MAP3K1: variants seen among roughly 807,000 people sequenced by gnomAD.
MAP3K1 encodes the protein mitogen-activated protein kinase kinase kinase 1.
MAP3K1 carries 36 observed loss-of-function variants against 144.2 expected under a neutral mutation model. The observed-to-expected ratio is 0.25, with a 90% CI of 0.19 to 0.33. MAP3K1 has a LOEUF of 0.33. MAP3K1 is among the 10% of genes least tolerant of loss of function. The probability of loss-of-function intolerance (pLI) is 1.00; values close to 1 mark genes in which losing one functional copy is unlikely to be tolerated. For missense variants in MAP3K1, 1,650 were observed against 1,881.9 expected, an observed-to-expected ratio of 0.88 and a Z score of 2.28; for synonymous variants, 718 against 688.7, an observed-to-expected ratio of 1.04 and a Z score of -0.67.
Position 56,895,750 on chromosome 5 carries a change from T to A in MAP3K1, c.*2070T>A, listed in dbSNP as rs979205406. On this transcript the variant is annotated 3_prime_UTR_variant, in exon 20 of 20. Coordinates refer to ENST00000399503, the MANE Select transcript of MAP3K1 (RefSeq NM_005921.2). ...GATCAAAGCTGGACTGGAAATTGTA[T>A]CGTGTAATTATTTTTGTGTTCTTAA... is the stretch of plus-strand genomic sequence containing the variant. 4.3e-6 allele frequency: 1 copy of A among 232,160 alleles called. No homozygotes were observed. The highest frequency in any genetic ancestry group is 2.2e-5 in the African/African-American group (1 of 45,308). The allele number at this position is 232,160 out of a possible 1,614,324, so 14.4% of individuals were successfully genotyped here.
At chr5:56,837,867 A>G (rs1746700589) in intron 1 of MAP3K1, among the ~76,000 whole-genome samples, 2 of 152,244 alleles carry the variant, frequency 1.3e-5, no homozygotes, top group Non-Finnish European at 2.9e-5. Context: ...ATTTCTTCAC[A>G]CTGAGTTTTA....
At chr5:56,862,727 C>T (rs1329213365) in intron 3 of MAP3K1, among the ~76,000 whole-genome samples, 1 of 152,160 alleles carries the variant, frequency 6.6e-6, no homozygotes, top group African/African-American at 2.4e-5. Flanking sequence ...AGGCTGGATA[C>T]CTAGCAGGTC....
At chr5:56,843,592 G>T (rs1373099423) in intron 1 of MAP3K1, among the ~76,000 whole-genome samples, 1 of 152,142 alleles carries the variant, frequency 6.6e-6, no homozygotes, top group African/African-American at 2.4e-5. Context: ...CTAAGAGCTT[G>T]GCAGAGAATG....
Position 56,864,895 on chromosome 5 carries a change from C to T in MAP3K1, c.996C>T (p.Asp332=), listed in dbSNP as rs1561188596. Reference sequence around the variant, plus strand: ...CTAACTCTTTCCTGATTGGAGGAGACAGCCCAGACAATAAATACCGGGTGT... The same window carrying T: ...CTAACTCTTTCCTGATTGGAGGAGATAGCCCAGACAATAAATACCGGGTGT... The part of the protein sequence containing the change: ...IGPNSFLIGG[D]SPDNKYRVFI... The change falls in exon 4 of 20, where the codon GAC becomes GAT. Residue 332 remains aspartate, a synonymous_variant. Coordinates refer to ENST00000399503, the MANE Select transcript of MAP3K1 (RefSeq NM_005921.2). 1.9e-6 allele frequency: 3 copies of T among 1,614,054 alleles called. No homozygotes were observed. The highest frequency in any genetic ancestry group is 2.5e-6 in the Non-Finnish European group (3 of 1,180,008).
At chr5:56,859,082 AAAGGC>A in intron 2 of MAP3K1, among the ~76,000 whole-genome samples, 1 of 151,848 alleles carries the variant, frequency 6.6e-6, no homozygotes, top group South Asian at 2.1e-4. Context: ...AAAAAAAAAA[AAAGGC>A]AGGTCTTGTA....
intron 1 of MAP3K1, among the ~76,000 whole-genome samples, chr5:56,846,881 T>G (rs1356503759): frequency 1.3e-5 from 2 of 152,218 alleles, no homozygotes; most frequent in African/African-American, 4.8e-5. Context: ...TTTTCCAAAT[T>G]TGAACAGAAC....
At position 56,863,353 on chromosome 5, in the gene MAP3K1, A is replaced by C. The variant is rs111559939; in HGVS notation, c.835-1381A>C. On this transcript the variant is annotated intron_variant, in intron 3 of 19. Transcript: ENST00000399503. ...AGGCAACCACTAATCTATTTTCTCT[A>C]TATATATAATTTGCCTATTCTGGAC... is the stretch of plus-strand genomic sequence containing the variant. Among the ~76,000 whole-genome samples the C allele has an allele frequency of 6.5e-3, 997 of 152,296 alleles. 4 individuals carry two copies. The highest frequency in any genetic ancestry group is 9.5e-3 in the Non-Finnish European group (643 of 68,014).
chr5:56,868,906 C>CTTT (rs1231531867), intron 6 of MAP3K1, among the ~76,000 whole-genome samples: 1 of 152,028 alleles, frequency 6.6e-6, no homozygotes, highest in African/African-American at 2.4e-5. Context: ...TGTGCTACAA[C>CTTT]ATGGATGAAC....
Position 56,815,614 on chromosome 5 carries a change from TC to T in MAP3K1, c.44del (p.Pro15ArgfsTer170). The T allele has an allele frequency of 7.6e-7, 1 of 1,309,630 alleles. No individual in the cohort carries two copies. The highest frequency in any genetic ancestry group is 2.1e-5 in the South Asian group (1 of 47,452). 81.1% of individuals were successfully genotyped at this position (1,309,630 alleles called of 1,614,324 possible). A position where few individuals can be genotyped will look rare whatever the true frequency, so the allele number is the denominator to read the frequency against. On this transcript the variant is annotated frameshift_variant, in exon 1 of 20. Transcript: ENST00000399503. LOFTEE classifies it high-confidence loss of function. ...AAGNRASSSG[F>X]PGARATSPEA... ...GGGAATCGCGCCTCGTCGTCGGGATTCCCGGGCGCCAGGGCTACGAGCCCTG... is the reference window on the plus strand; with the variant it reads ...GGGAATCGCGCCTCGTCGTCGGGATTCCGGGCGCCAGGGCTACGAGCCCTG...
chr5:56,850,015 G>A (rs529289043), intron 1 of MAP3K1, among the ~76,000 whole-genome samples: 1 of 152,282 alleles, frequency 6.6e-6, no homozygotes, highest in South Asian at 2.1e-4. Context: ...AGTAACCCAT[G>A]TGACTGTTAG....
chr5:56,887,371 T>C lies in MAP3K1; in HGVS notation c.4115-7T>C. 6.2e-7 allele frequency: 1 copy of C among 1,614,154 alleles called. No individual in the cohort carries two copies. Among genetic ancestry groups the C allele is most frequent in the South Asian group, 1.1e-5 (1 of 91,090 alleles). ...CATACAAGGTCATTTGCTGTGTTTG[T>C]TGACAGGTGCCAATTTGCTAATTGA... On this transcript the variant is annotated splice_region_variant and splice_polypyrimidine_tract_variant and intron_variant, in intron 17 of 19. Transcript: ENST00000399503.
chr5:56,881,320 T>G, intron 13 of MAP3K1, 48 bp downstream of exon 13: 1 of 1,473,338 alleles, frequency 6.8e-7, no homozygotes, highest in Non-Finnish European at 9.5e-7. Context: ...CTACCCTCCC[T>G]ACACCCTCCT....
chr5:56,845,106 A>T (rs1746949343), intron 1 of MAP3K1, among the ~76,000 whole-genome samples: 1 of 152,230 alleles, frequency 6.6e-6, no homozygotes, highest in African/African-American at 2.4e-5. Flanking sequence ...GAAGGTATTC[A>T]CTCAAAATAT....
At chr5:56,870,460 G>A (rs913553341) in intron 6 of MAP3K1, among the ~76,000 whole-genome samples, 1 of 152,112 alleles carries the variant, frequency 6.6e-6, no homozygotes, top group Non-Finnish European at 1.5e-5. Context: ...TAGCCTGGCT[G>A]CACACAAAAT....
intron 1 of MAP3K1, among the ~76,000 whole-genome samples, chr5:56,848,202 C>T (rs1298732600): frequency 6.6e-6 from 1 of 152,080 alleles, no homozygotes; most frequent in African/African-American, 2.4e-5. Flanking sequence ...TAGTTAGTTG[C>T]CTGATGATTG....
chr5:56,867,583 A>T lies in MAP3K1; in HGVS notation c.1301+1606A>T, dbSNP rs529322086. Among the ~76,000 whole-genome samples the T allele has an allele frequency of 9.2e-5, 14 of 152,308 alleles. 1 individual carries two copies. In the South Asian group the frequency reaches 1.0e-3, roughly 11 times the overall value. ...ATAACCGAAGAAATGTTCATTTTTT[A>T]AAAAAAGATACCAGTTTTTATTTAC... On this transcript the variant is annotated intron_variant, in intron 6 of 19. Transcript: ENST00000399503.
At chr5:56,888,847 C>G (rs1217054916) in intron 19 of MAP3K1, among the ~76,000 whole-genome samples, 1 of 152,220 alleles carries the variant, frequency 6.6e-6, no homozygotes, top group Admixed American at 6.5e-5. Flanking sequence ...AGGGGTTTAT[C>G]ACGACATAAC....
In MAP3K1 at chr5:56,860,720, G is replaced by A. The variant is rs184157794; in HGVS notation, c.834+805G>A. 1.2e-4 allele frequency among the ~76,000 whole-genome samples: 18 copies of A among 152,178 alleles called. No homozygotes were observed. The East Asian group carries it at 3.5e-3, about 29-fold the overall frequency. ...ATACAGAAATTAGCCAGGCATGGTG[G>A]CAGATGCCTGTAATCCCAGCTACTC... On this transcript the variant is annotated intron_variant, in intron 3 of 19. Coordinates refer to ENST00000399503, the MANE Select transcript of MAP3K1 (RefSeq NM_005921.2).
At chr5:56,889,892 T>A (rs547912901) in intron 19 of MAP3K1, among the ~76,000 whole-genome samples, 7 of 151,996 alleles carry the variant, frequency 4.6e-5, no homozygotes, top group African/African-American at 1.7e-4. Context: ...TTATATAACC[T>A]CCTCAGTCAC....
Sources: gnomAD v4.1 joint callset for allele counts (sites outside exome capture counted in the v4.1 genomes callset) on GRCh38, gnomAD v4.1.1 for gene constraint, MANE v1.5 for transcripts, NCBI Gene and HGNC (gene_info 2026-07-23, HGNC 2026-07-21) for gene names.